Variants in MRPS35 observed in about 807,000 individuals in gnomAD.
MRPS35 encodes the protein mitochondrial ribosomal protein S35.
A neutral mutation model predicts 32.7 loss-of-function variants in MRPS35; 29 were observed. The observed-to-expected ratio is 0.89, with a 90% CI of 0.66 to 1.21. The LOEUF (loss-of-function observed/expected upper bound fraction) is 1.21, where lower values mean the gene tolerates loss of function less well. Ranked by LOEUF, MRPS35 falls within the 50% of genes most tolerant of loss-of-function variation. MRPS35 has a pLI of 0.00. For synonymous variants in MRPS35, 148 were observed against 139.3 expected (o/e 1.06, Z -0.44); for missense variants, 373 against 383.8 (o/e 0.97, Z 0.23).
chr12:27,751,269 T>C (rs146453687), intron 7 of MRPS35, among the ~76,000 whole-genome samples: 424 of 152,268 alleles, frequency 2.8e-3, no homozygotes, highest in Non-Finnish European at 5.1e-3. Flanking sequence ...TACTAATGAC[T>C]TTAAACCATA....
intron 5 of MRPS35, among the ~76,000 whole-genome samples, chr12:27,734,530 C>T (rs57667072): frequency 0.081 from 12,386 of 152,132 alleles, 1,655 homozygotes; most frequent in African/African-American, 0.28. Flanking sequence ...CATGAGCCAC[C>T]GTGCCTGGCC....
intron 7 of MRPS35, among the ~76,000 whole-genome samples, chr12:27,743,247 G>C (rs2061970622): frequency 6.6e-6 from 1 of 151,942 alleles, no homozygotes; most frequent in African/African-American, 2.4e-5. Flanking sequence ...GCAAATGTTG[G>C]CTGGGCACGG....
intron 7 of MRPS35, among the ~76,000 whole-genome samples, chr12:27,751,102 CAAAAAAA>C (rs71438703): frequency 2.9e-4 from 11 of 38,142 alleles, no homozygotes; most frequent in South Asian, 1.8e-3. Context: ...GACTCCATCT[CAAAAAAA>C]AAAAAAAAAA....
At chr12:27,714,075 CA>C (rs34481044) in intron 1 of MRPS35, among the ~76,000 whole-genome samples, 3,215 of 78,588 alleles carry the variant, frequency 0.041, 70 homozygotes, top group African/African-American at 0.12. Context: ...GACCTTGTCT[CA>C]AAAAAAAAAA....
intron 1 of MRPS35, among the ~76,000 whole-genome samples, chr12:27,711,836 CCTTCATACTGGCT>C (rs1172349176): frequency 1.4e-5 from 1 of 73,424 alleles, no homozygotes; most frequent in Non-Finnish European, 3.1e-5. Context: ...ATACATTAAT[CCTTCATACTGGCT>C]CTTCATAGGT....
At chr12:27,751,102 C>CAAAAA (rs71438703) in intron 7 of MRPS35, among the ~76,000 whole-genome samples, 247 of 37,148 alleles carry the variant, frequency 6.6e-3, no homozygotes, top group East Asian at 7.9e-3. Flanking sequence ...GACTCCATCT[C>CAAAAA]AAAAAAAAAA....
intron 5 of MRPS35, among the ~76,000 whole-genome samples, chr12:27,734,195 A>G (rs1208438940): frequency 6.7e-6 from 1 of 150,020 alleles, no homozygotes; most frequent in Non-Finnish European, 1.5e-5. Flanking sequence ...ATTAACCTAT[A>G]CTTTACCTTA....
chr12:27,739,473 GA>G (rs1000265670), intron 7 of MRPS35, among the ~76,000 whole-genome samples: 1 of 152,124 alleles, frequency 6.6e-6, no homozygotes, highest in Non-Finnish European at 1.5e-5. Context: ...GAAAGTGAAA[GA>G]AAAAAACTTG....
chr12:27,751,774 A>G (rs1448316717), intron 7 of MRPS35, among the ~76,000 whole-genome samples: 2 of 152,220 alleles, frequency 1.3e-5, no homozygotes, highest in East Asian at 1.9e-4. Flanking sequence ...TAGCAGGGCA[A>G]TTATACCTTT....
intron 4 of MRPS35, among the ~76,000 whole-genome samples, chr12:27,720,690 GTATT>G (rs1217266147): frequency 6.6e-6 from 1 of 151,662 alleles, no homozygotes; most frequent in Non-Finnish European, 1.5e-5. Flanking sequence ...GTGTGTATGT[GTATT>G]TATAAAATAA....
intron 7 of MRPS35, among the ~76,000 whole-genome samples, chr12:27,746,646 G>A (rs950233741): frequency 6.6e-6 from 1 of 152,166 alleles, no homozygotes; most frequent in African/African-American, 2.4e-5. Context: ...TACACAGAAG[G>A]TGACAAGCTC....
At chr12:27,747,623 TACTTGTAATC>T (rs1171895151) in intron 7 of MRPS35, among the ~76,000 whole-genome samples, 1 of 152,234 alleles carries the variant, frequency 6.6e-6, no homozygotes, top group Non-Finnish European at 1.5e-5. Flanking sequence ...CACAAGGCCT[TACTTGTAATC>T]ATGAGTAGTG....
intron 7 of MRPS35, among the ~76,000 whole-genome samples, chr12:27,752,473 A>C (rs2062009445): frequency 6.6e-6 from 1 of 152,266 alleles, no homozygotes; most frequent in Non-Finnish European, 1.5e-5. Context: ...TGTGAAACTT[A>C]AAAATACTAA....
At chr12:27,713,495 A>G (rs12833700) in intron 1 of MRPS35, among the ~76,000 whole-genome samples, 23,181 of 152,248 alleles carry the variant, frequency 0.15, 1,810 homozygotes, top group East Asian at 0.18. Context: ...GGCTGCGTGT[A>G]CAAGTTCCTG....
In MRPS35 at chr12:27,737,615, G is replaced by T. The variant is rs956671310; in HGVS notation, c.702+7G>T. 6.3e-7 allele frequency: 1 copy of T among 1,589,808 alleles called. No individual in the cohort carries two copies. Among genetic ancestry groups the T allele is most frequent in the South Asian group, 1.1e-5 (1 of 88,898 alleles). ...GTTATACCATGAGTCTTGGGTAAGT[G>T]TGTGTGAATATTTAATGATTTTGTC... On this transcript the variant is annotated splice_region_variant and intron_variant, in intron 7 of 7. Coordinates refer to ENST00000081029, the MANE Select transcript of MRPS35 (RefSeq NM_021821.4).
intron 3 of MRPS35, among the ~76,000 whole-genome samples, chr12:27,719,104 A>G (rs1034379350): frequency 1.3e-5 from 2 of 152,150 alleles, no homozygotes; most frequent in African/African-American, 4.8e-5. Flanking sequence ...AGAAAAAAAC[A>G]AAACAAAAAT....
In MRPS35 at chr12:27,755,391, A is replaced by G; in HGVS notation, c.913A>G (p.Asn305Asp). The G allele has an allele frequency of 1.2e-6, 2 of 1,600,020 alleles. No homozygotes were observed. The highest frequency in any genetic ancestry group is 8.5e-7 in the Non-Finnish European group (1 of 1,176,926). ...TGTTAGTCTTAAAAATGAGGAGGAA[A>G]ATGAAAATTCCATTTCTCAGTACAA... is the stretch of plus-strand genomic sequence containing the variant. ...SVVSLKNEEENENSISQYKES... is the reference protein window; with the variant it reads ...SVVSLKNEEEDENSISQYKES... The change falls in exon 8 of 8, where the codon AAT (asparagine) becomes GAT (aspartate). Residue 305 changes from asparagine (N) to aspartate (D), a missense_variant. Coordinates refer to ENST00000081029, the MANE Select transcript of MRPS35 (RefSeq NM_021821.4).
Position 27,733,038 on chromosome 12 carries a change from A to ATCTATCTATCTATCTATC in MRPS35, c.523-2408_523-2407insCTATCTATCTATCTATCT, listed in dbSNP as rs1565468137. Among the ~76,000 whole-genome samples the ATCTATCTATCTATCTATC allele has an allele frequency of 3.9e-5, 3 of 76,124 alleles. No homozygotes were observed. The East Asian group carries it at 1.3e-3, about 33-fold the overall frequency. 49.9% of individuals were successfully genotyped at this position (76,124 alleles called of 152,430 possible). ...TATATATATATATATATATATATAT[A>ATCTATCTATCTATCTATC]TATCCAGCACCTCCTGTGATTTGAA... On this transcript the variant is annotated intron_variant, in intron 5 of 7. Transcript: ENST00000081029.
At chr12:27,720,165 G>T (rs1054411949) in intron 4 of MRPS35, among the ~76,000 whole-genome samples, 4 of 152,078 alleles carry the variant, frequency 2.6e-5, no homozygotes, top group Admixed American at 1.3e-4. Context: ...GCCGAGGCGG[G>T]CAGACCACCT....
Sources: gnomAD v4.1 joint callset for allele counts (sites outside exome capture counted in the v4.1 genomes callset) on GRCh38, gnomAD v4.1.1 for gene constraint, MANE v1.5 for transcripts, NCBI Gene and HGNC (gene_info 2026-07-23, HGNC 2026-07-21) for gene names.